BRINP3: variants seen among roughly 807,000 people sequenced by gnomAD.
The protein encoded by BRINP3 is BMP/retinoic acid-inducible neural-specific protein 3.
BRINP3 carries 19 observed loss-of-function variants against 71.0 expected under a neutral mutation model. The observed-to-expected ratio is 0.27, with a 90% CI of 0.19 to 0.39. The LOEUF is 0.39. Ranked by LOEUF, BRINP3 falls within the 10% of genes least tolerant of loss-of-function variation. BRINP3 has a pLI of 1.00. For synonymous variants in BRINP3, 380 were observed against 337.7 expected, an observed-to-expected ratio of 1.13 and a Z score of -1.37; for missense variants, 959 against 940.8, an observed-to-expected ratio of 1.02 and a Z score of -0.25.
At chr1:190,406,691 C>G (rs1397588202) in intron 2 of BRINP3, among the ~76,000 whole-genome samples, 3 of 152,086 alleles carry the variant, frequency 2.0e-5, no homozygotes, top group Non-Finnish European at 4.4e-5. Context: ...TAAAGATGCT[C>G]TTGTCTAATT....
chr1:190,470,816 A>G (rs1677088165), intron 1 of BRINP3, among the ~76,000 whole-genome samples: 1 of 151,166 alleles, frequency 6.6e-6, no homozygotes. Context: ...CATTATAAAT[A>G]TTTATGCTAT....
At position 190,097,713 on chromosome 1, in the gene BRINP3, C is replaced by T. The variant is rs1275433783; in HGVS notation, c.*305G>A. 3.3e-5 allele frequency: 8 copies of T among 243,338 alleles called. No individual in the cohort carries two copies. In the East Asian group the frequency reaches 5.8e-4, roughly 18 times the overall value. The allele number at this position is 243,338 out of a possible 1,614,324, so 15.1% of individuals were successfully genotyped here. On this transcript the variant is annotated 3_prime_UTR_variant, in exon 8 of 8. Transcript: ENST00000367462. ...TTTTATTGGTATCTTTTTATGTTCC[C>T]TCTAGAGGATGTAATGCACAAAAGC...
At position 190,374,264 on chromosome 1, in the gene BRINP3, C is replaced by T. The variant is rs532235280; in HGVS notation, c.236+80391G>A. On this transcript the variant is annotated intron_variant, in intron 2 of 7. Transcript: ENST00000367462. ...GAATCAATTGTACATAACACACACA[C>T]ATTTTGTGAAAAGAAATCTATCTGT... is the stretch of plus-strand genomic sequence containing the variant. Among the ~76,000 whole-genome samples, 89 of 152,166 alleles carry T rather than the reference C, an allele frequency of 5.8e-4. 2 individuals carry two copies. In the South Asian group the frequency reaches 0.011, roughly 18 times the overall value.
intron 6 of BRINP3, among the ~76,000 whole-genome samples, chr1:190,209,617 C>A (rs147987298): frequency 2.1e-4 from 32 of 152,224 alleles, no homozygotes; most frequent in Non-Finnish European, 4.3e-4. Flanking sequence ...GTATCAATTT[C>A]ATTTGACGTT....
intron 2 of BRINP3, among the ~76,000 whole-genome samples, chr1:190,288,062 A>G (rs916233295): frequency 2.0e-5 from 3 of 152,086 alleles, no homozygotes; most frequent in African/African-American, 4.8e-5. Flanking sequence ...ACATACAAAC[A>G]TGCTGTTAAT....
chr1:190,133,912 G>T (rs1371545583), intron 7 of BRINP3, among the ~76,000 whole-genome samples: 1 of 151,962 alleles, frequency 6.6e-6, no homozygotes, highest in Non-Finnish European at 1.5e-5. Context: ...CTGTATGTAA[G>T]TTAAAAGAAA....
intron 4 of BRINP3, among the ~76,000 whole-genome samples, chr1:190,258,110 T>C (rs10920672): frequency 0.41 from 62,523 of 152,140 alleles, 13,578 homozygotes; most frequent in Non-Finnish European, 0.49. Context: ...ACAGAGGCAG[T>C]AGGCCATGCT....
chr1:190,165,285 TC>T (rs1379107043), intron 6 of BRINP3, among the ~76,000 whole-genome samples: 2 of 152,000 alleles, frequency 1.3e-5, no homozygotes, highest in African/African-American at 4.8e-5. Flanking sequence ...ACATAGGATT[TC>T]TTGGAAAATA....
At chr1:190,457,731 A>G (rs1461274628) in intron 1 of BRINP3, among the ~76,000 whole-genome samples, 1 of 152,162 alleles carries the variant, frequency 6.6e-6, no homozygotes, top group Non-Finnish European at 1.5e-5. Context: ...AATGTTTTGT[A>G]CTCACACATG....
At chr1:190,372,188 G>A (rs972413594) in intron 2 of BRINP3, among the ~76,000 whole-genome samples, 13 of 152,132 alleles carry the variant, frequency 8.5e-5, no homozygotes, top group Admixed American at 7.9e-4. Flanking sequence ...CTGCAAGGCT[G>A]GAAGGGACCT....
At chr1:190,201,483 G>A (rs140316357) in intron 6 of BRINP3, among the ~76,000 whole-genome samples, 1,778 of 152,292 alleles carry the variant, frequency 0.012, 13 homozygotes, top group Non-Finnish European at 0.019. Flanking sequence ...ATTCAAGCTG[G>A]CTGCATAATT....
intron 3 of BRINP3, among the ~76,000 whole-genome samples, chr1:190,268,404 T>G (rs572208053): frequency 2.0e-5 from 3 of 152,106 alleles, no homozygotes; most frequent in Non-Finnish European, 4.4e-5. Context: ...TTGTAAATAC[T>G]TCTTTAAAGA....
chr1:190,424,815 T>C (rs566701904), intron 2 of BRINP3, among the ~76,000 whole-genome samples: 1 of 151,814 alleles, frequency 6.6e-6, no homozygotes, highest in South Asian at 2.1e-4. Context: ...CTTTAGAAAG[T>C]CAACTTTAGA....
chr1:190,446,373 AG>A (rs1204072005), intron 2 of BRINP3, among the ~76,000 whole-genome samples: 2 of 152,082 alleles, frequency 1.3e-5, no homozygotes, highest in African/African-American at 4.8e-5. Flanking sequence ...AGTGATTTAT[AG>A]TAAACCAACC....
intron 7 of BRINP3, among the ~76,000 whole-genome samples, chr1:190,118,584 G>T (rs1653346099): frequency 6.6e-6 from 1 of 152,074 alleles, no homozygotes; most frequent in Non-Finnish European, 1.5e-5. Flanking sequence ...ACAGAAAAGT[G>T]AATCACAGCC....
chr1:190,440,183 T>C (rs1437209422), intron 2 of BRINP3, among the ~76,000 whole-genome samples: 3 of 151,982 alleles, frequency 2.0e-5, no homozygotes, highest in East Asian at 3.8e-4. Flanking sequence ...AATCCAACAA[T>C]GGAAATTTCT....
intron 7 of BRINP3, among the ~76,000 whole-genome samples, chr1:190,143,544 C>T (rs144336803): frequency 1.5e-3 from 221 of 152,234 alleles, no homozygotes; most frequent in African/African-American, 5.1e-3. Context: ...GAGAGGGATG[C>T]TTCAACAAGC....
rs751208269 is a variant in BRINP3 at position 190,160,940 on chromosome 1, G to C, written c.962-50C>G. 1.1e-5 allele frequency: 15 copies of C among 1,375,170 alleles called. No individual in the cohort carries two copies. The East Asian group carries it at 3.5e-4, about 32-fold the overall frequency. 85.2% of individuals were successfully genotyped at this position (1,375,170 alleles called of 1,614,324 possible). ...TTTAATTATGAAACAATTATTTTTT[G>C]TTTTTCACAAACACGTATGTCAATA... On this transcript the variant is annotated intron_variant, in intron 6 of 7. Coordinates refer to ENST00000367462, the MANE Select transcript of BRINP3 (RefSeq NM_199051.3).
intron 2 of BRINP3, among the ~76,000 whole-genome samples, chr1:190,408,199 A>AT (rs1354978525): frequency 4.0e-4 from 20 of 50,382 alleles, no homozygotes; most frequent in African/African-American, 8.8e-4. Context: ...TTATTTATTT[A>AT]TTTATTTTTT....
Sources: gnomAD v4.1 joint callset for allele counts (sites outside exome capture counted in the v4.1 genomes callset) on GRCh38, gnomAD v4.1.1 for gene constraint, MANE v1.5 for transcripts, NCBI Gene and HGNC (gene_info 2026-07-23, HGNC 2026-07-21) for gene names.